Variants in DLGAP4 observed in about 807,000 individuals in gnomAD.
DLGAP4 encodes disks large-associated protein 4.
In DLGAP4, 18 loss-of-function variants were observed where a neutral mutation model predicts 86.9. That is an observed-to-expected ratio of 0.21 (90% confidence interval 0.14 to 0.31). The LOEUF (loss-of-function observed/expected upper bound fraction) is 0.31, where lower values mean the gene tolerates loss of function less well. Among genes scored for constraint, DLGAP4 ranks in the 10% least tolerant of loss-of-function variants. The probability of loss-of-function intolerance (pLI) is 1.00; values close to 1 mark genes in which losing one functional copy is unlikely to be tolerated. For missense variants in DLGAP4, 1,085 were observed against 1,362.6 expected (o/e 0.80, Z 3.21); for synonymous variants, 548 against 574.3 (o/e 0.95, Z 0.65).
chr20:36,470,744 T>G (rs2034625442), intron 7 of DLGAP4, among the ~76,000 whole-genome samples: 1 of 152,162 alleles, frequency 6.6e-6, no homozygotes, highest in Admixed American at 6.5e-5. Flanking sequence ...CTCCCTACTT[T>G]TCTATACCTT....
chr20:36,462,477 C>A, intron 7 of DLGAP4: 1 of 1,570,406 alleles, frequency 6.4e-7, no homozygotes, highest in Admixed American at 2.0e-5. Flanking sequence ...TCAGCCCTAG[C>A]CCCCTGTCTC....
At chr20:36,321,379 C>T (rs2065165949) in intron 1 of DLGAP4, among the ~76,000 whole-genome samples, 1 of 152,226 alleles carries the variant, frequency 6.6e-6, no homozygotes, top group Admixed American at 6.5e-5. Context: ...CCTCGGCTGC[C>T]CCATGGGCCC....
intron 10 of DLGAP4, among the ~76,000 whole-genome samples, chr20:36,518,415 C>A (rs911092383): frequency 6.6e-6 from 1 of 151,946 alleles, no homozygotes; most frequent in Non-Finnish European, 1.5e-5. Flanking sequence ...TTATTAATTT[C>A]TCTTCTCTTT....
At chr20:36,419,327 C>T (rs761459220) in intron 2 of DLGAP4, among the ~76,000 whole-genome samples, 8 of 151,628 alleles carry the variant, frequency 5.3e-5, no homozygotes, top group Non-Finnish European at 1.0e-4. Context: ...ATGGGGTCCT[C>T]GTTATGTTGC....
chr20:36,433,946 AT>A (rs796868709), intron 3 of DLGAP4, among the ~76,000 whole-genome samples: 3,427 of 136,476 alleles, frequency 0.025, 124 homozygotes, highest in African/African-American at 0.082. Context: ...GCACCCAGCA[AT>A]TTTTTTTTTT....
At chr20:36,316,343 C>T (rs1173767565) in intron 1 of DLGAP4, among the ~76,000 whole-genome samples, 4 of 152,198 alleles carry the variant, frequency 2.6e-5, no homozygotes, top group East Asian at 3.9e-4. Context: ...ACACCCCACC[C>T]GCAGCTCACC....
chr20:36,318,102 CCTCTCACACA>C (rs1271342851), intron 1 of DLGAP4, among the ~76,000 whole-genome samples: 5 of 117,132 alleles, frequency 4.3e-5, no homozygotes, highest in Admixed American at 1.0e-4. Flanking sequence ...ATAAATGTGT[CCTCTCACACA>C]CACACACACA....
intron 1 of DLGAP4, among the ~76,000 whole-genome samples, chr20:36,320,793 G>A (rs2065160491): frequency 6.6e-6 from 1 of 152,014 alleles, no homozygotes; most frequent in African/African-American, 2.4e-5. Flanking sequence ...ACTTTGGACG[G>A]GTCTCCCTCT....
chr20:36,399,650 C>G (rs1382109490), intron 2 of DLGAP4, among the ~76,000 whole-genome samples: 2 of 152,214 alleles, frequency 1.3e-5, no homozygotes, highest in African/African-American at 4.8e-5. Flanking sequence ...CTGTCAAATT[C>G]TGTAAGTATT....
intron 2 of DLGAP4, among the ~76,000 whole-genome samples, chr20:36,422,231 G>A (rs2032850916): frequency 6.6e-6 from 1 of 152,124 alleles, no homozygotes; most frequent in African/African-American, 2.4e-5. Context: ...GGACTGCTAT[G>A]TACACCCCCA....
In DLGAP4 at chr20:36,500,848, C is replaced by A. The variant is rs1478827274; in HGVS notation, c.2512+237C>A. 6.6e-6 allele frequency among the ~76,000 whole-genome samples: 1 copy of A among 152,248 alleles called. No individual in the cohort carries two copies. Among genetic ancestry groups the A allele is most frequent in the East Asian group, 1.9e-4 (1 of 5,186 alleles). ...CTGTTTGTTGTGCAGGCTGTGAGGC[C>A]ACCCACACCTGGGTTTGAATCCCAG... On this transcript the variant is annotated intron_variant, in intron 10 of 12. Coordinates refer to ENST00000339266, the MANE Select transcript of DLGAP4 (RefSeq NM_001365621.2). This position sits in a 1 kb window ranked among gnomAD's most constrained non-coding sequence, Gnocchi z 4.6.
At position 36,457,124 on chromosome 20, in the gene DLGAP4, A is replaced by G. The variant is rs549403963; in HGVS notation, c.1648+10187A>G. 1.1e-4 allele frequency among the ~76,000 whole-genome samples: 17 copies of G among 152,292 alleles called. No individual in the cohort carries two copies. The East Asian group carries it at 2.9e-3, about 26-fold the overall frequency. ...GGTTTGTTGGTAGTTGGCACAGCAT[A>G]AGGGGTCCTGGGAGTGGTGGCAGAG... On this transcript the variant is annotated intron_variant, in intron 7 of 12. Transcript: ENST00000339266.
chr20:36,521,500 C>T (rs2037379746), intron 10 of DLGAP4, among the ~76,000 whole-genome samples: 1 of 152,140 alleles, frequency 6.6e-6, no homozygotes, highest in Admixed American at 6.6e-5. Flanking sequence ...CACTGTCTAC[C>T]CTGGGGAGCT....
chr20:36,368,492 G>A (rs562316300), intron 2 of DLGAP4, among the ~76,000 whole-genome samples: 3 of 152,386 alleles, frequency 2.0e-5, no homozygotes, highest in Non-Finnish European at 2.9e-5. Context: ...CCGCTGGGGT[G>A]GCGCCAGCCT....
intron 7 of DLGAP4, among the ~76,000 whole-genome samples, chr20:36,454,391 A>G (rs2033825968): frequency 6.6e-6 from 1 of 152,182 alleles, no homozygotes; most frequent in Non-Finnish European, 1.5e-5. Context: ...TTGTCATAAT[A>G]ATTATATAAT....
At chr20:36,368,152 G>A (rs547013629) in intron 2 of DLGAP4, among the ~76,000 whole-genome samples, 48 of 152,358 alleles carry the variant, frequency 3.2e-4, no homozygotes, top group African/African-American at 1.2e-3. Context: ...AAGGAAAGGG[G>A]GAGAGAAGAA....
chr20:36,342,847 C>T (rs1276488980), intron 1 of DLGAP4, among the ~76,000 whole-genome samples: 1 of 152,194 alleles, frequency 6.6e-6, no homozygotes, highest in Non-Finnish European at 1.5e-5. Flanking sequence ...CAGGGAAGGC[C>T]TCTCAGCAGA....
At chr20:36,336,111 T>C (rs781856696) in intron 1 of DLGAP4, among the ~76,000 whole-genome samples, 7 of 152,202 alleles carry the variant, frequency 4.6e-5, no homozygotes, top group Non-Finnish European at 1.0e-4. Flanking sequence ...TGTGTTGCCC[T>C]GAGCTGCGGG....
intron 2 of DLGAP4, among the ~76,000 whole-genome samples, chr20:36,387,015 GT>G (rs1453128103): frequency 3.9e-5 from 6 of 152,138 alleles, no homozygotes; most frequent in African/African-American, 1.4e-4. Context: ...TATTTCAGTG[GT>G]TCTGGTTCTC....
Sources: gnomAD v4.1 joint callset for allele counts (sites outside exome capture counted in the v4.1 genomes callset) on GRCh38, gnomAD v4.1.1 for gene constraint, Gnocchi (gnomAD v3.1) non-coding constraint, MANE v1.5 for transcripts, NCBI Gene and HGNC (gene_info 2026-07-23, HGNC 2026-07-21) for gene names.